ARHGEF3: variants seen among roughly 807,000 people sequenced by gnomAD.
The protein encoded by ARHGEF3 is Rho guanine nucleotide exchange factor 3, also known as 59.8 kDA protein.
Under a neutral mutation model 63.2 loss-of-function variants are expected in ARHGEF3, and 28 were observed. The observed-to-expected ratio is 0.44, with a 90% confidence interval of 0.33 to 0.61. The LOEUF (loss-of-function observed/expected upper bound fraction) is 0.61, where lower values mean the gene tolerates loss of function less well. Among genes scored for constraint, ARHGEF3 ranks in the 20% least tolerant of loss-of-function variants. ARHGEF3 has a pLI of 0.03. For synonymous variants in ARHGEF3, 266 were observed against 254.2 expected (o/e 1.05, Z -0.44); for missense variants, 533 against 659.3 (o/e 0.81, Z 2.10).
chr3:56,922,291 T>C (rs2042163382), intron 3 of ARHGEF3, among the ~76,000 whole-genome samples: 2 of 152,176 alleles, frequency 1.3e-5, no homozygotes, highest in African/African-American at 4.8e-5. Flanking sequence ...CAAGTCTCCT[T>C]CCTTACACTG....
intron 1 of ARHGEF3, among the ~76,000 whole-genome samples, chr3:57,075,716 G>A (rs902662512): frequency 1.3e-5 from 2 of 152,116 alleles, no homozygotes; most frequent in Non-Finnish European, 2.9e-5. Context: ...AGGCTGAGGT[G>A]GGAGGATTGC....
chr3:56,937,106 A>G (rs762363939), intron 3 of ARHGEF3, among the ~76,000 whole-genome samples: 1 of 152,256 alleles, frequency 6.6e-6, no homozygotes, highest in African/African-American at 2.4e-5. Flanking sequence ...AAGAAACATA[A>G]CAAAATGAAA....
rs534724394 is a variant in ARHGEF3, at chr3:56,779,554, G to A, written c.97-5738C>T. Among the ~76,000 whole-genome samples the A allele has an allele frequency of 3.9e-5, 6 of 152,066 alleles. No individual in the cohort carries two copies. The South Asian group carries it at 1.2e-3, about 31-fold the overall frequency. ...GTCGCGCAGGCTGGAGTGCAGTGGCGCCATCTTGGCTCACTGCAAGCTCCG... is the reference window on the plus strand; with the variant it reads ...GTCGCGCAGGCTGGAGTGCAGTGGCACCATCTTGGCTCACTGCAAGCTCCG... On this transcript the variant is annotated intron_variant, in intron 1 of 9. Coordinates refer to ENST00000296315, the MANE Select transcript of ARHGEF3 (RefSeq NM_019555.3).
At chr3:56,991,929 A>G (rs954593096) in intron 2 of ARHGEF3, among the ~76,000 whole-genome samples, 1 of 151,878 alleles carries the variant, frequency 6.6e-6, no homozygotes, top group African/African-American at 2.4e-5. Context: ...AACCAGTTTT[A>G]TATCTGAGTT....
intron 3 of ARHGEF3, among the ~76,000 whole-genome samples, chr3:56,885,733 A>G (rs138994427): frequency 8.7e-4 from 132 of 152,308 alleles, no homozygotes; most frequent in African/African-American, 3.0e-3. Context: ...TGGTCTTTTT[A>G]ATTCAGCCAT....
chr3:57,071,054 C>T (rs1310879367), intron 1 of ARHGEF3, among the ~76,000 whole-genome samples: 2 of 151,168 alleles, frequency 1.3e-5, no homozygotes, highest in African/African-American at 4.9e-5. Context: ...GATTTCAAAA[C>T]TTACTACAAA....
At chr3:56,921,363 G>C (rs1433554400) in intron 3 of ARHGEF3, among the ~76,000 whole-genome samples, 1 of 130,164 alleles carries the variant, frequency 7.7e-6, no homozygotes, top group Non-Finnish European at 1.8e-5. Flanking sequence ...TAAGACTGTT[G>C]TCAAATTTAG....
chr3:56,877,613 T>A (rs2040630719), intron 4 of ARHGEF3, among the ~76,000 whole-genome samples: 1 of 152,132 alleles, frequency 6.6e-6, no homozygotes, highest in South Asian at 2.1e-4. Flanking sequence ...GCTCAAGTGA[T>A]CCTCTCGCCT....
intron 4 of ARHGEF3, among the ~76,000 whole-genome samples, chr3:56,849,437 C>T (rs1178009164): frequency 2.0e-5 from 3 of 152,152 alleles, no homozygotes; most frequent in African/African-American, 4.8e-5. Context: ...GATCCACTTT[C>T]TTCACCTCTT....
At chr3:57,037,792 G>A (rs1463045962) in intron 1 of ARHGEF3, among the ~76,000 whole-genome samples, 1 of 152,176 alleles carries the variant, frequency 6.6e-6, no homozygotes, top group Non-Finnish European at 1.5e-5. Flanking sequence ...GGAGAATGGT[G>A]TGAACCCGGG....
At chr3:56,919,051 G>C (rs754195993) in intron 3 of ARHGEF3, among the ~76,000 whole-genome samples, 1 of 152,150 alleles carries the variant, frequency 6.6e-6, no homozygotes, top group Non-Finnish European at 1.5e-5. Context: ...CAGGGGTCAG[G>C]TACCTGAAAG....
At chr3:57,058,131 T>C (rs1359764323) in intron 1 of ARHGEF3, among the ~76,000 whole-genome samples, 1 of 152,212 alleles carries the variant, frequency 6.6e-6, no homozygotes, top group East Asian at 1.9e-4. Context: ...CTCTTTCAAT[T>C]AAAAGTCCTG....
chr3:57,017,565 G>A (rs1181290502), intron 2 of ARHGEF3, among the ~76,000 whole-genome samples: 1 of 152,178 alleles, frequency 6.6e-6, no homozygotes, highest in Admixed American at 6.5e-5. Context: ...TTGACCCTCT[G>A]CTAGTTGGGT....
At chr3:56,889,825 G>T (rs1400604587) in intron 3 of ARHGEF3, among the ~76,000 whole-genome samples, 1 of 152,348 alleles carries the variant, frequency 6.6e-6, no homozygotes, top group East Asian at 1.9e-4. Context: ...ACTTTGGGAG[G>T]CCGAGATGGG....
At chr3:57,067,470 A>AATAATT (rs1462458028) in intron 1 of ARHGEF3, among the ~76,000 whole-genome samples, 1 of 147,816 alleles carries the variant, frequency 6.8e-6, no homozygotes, top group Non-Finnish European at 1.5e-5. Context: ...TAATAATAAT[A>AATAATT]ATAATAATAA....
intron 2 of ARHGEF3, among the ~76,000 whole-genome samples, chr3:57,021,291 T>G (rs902379553): frequency 6.6e-6 from 1 of 150,958 alleles, no homozygotes; most frequent in African/African-American, 2.4e-5. Flanking sequence ...CCAACATATA[T>G]TCCTGATTGA....
chr3:56,831,730 T>G (rs1324367181), intron 4 of ARHGEF3, among the ~76,000 whole-genome samples: 3 of 152,262 alleles, frequency 2.0e-5, no homozygotes. Context: ...CACACTGGTG[T>G]GTACGTTCAG....
At chr3:57,046,934 G>T (rs1478376314) in intron 1 of ARHGEF3, among the ~76,000 whole-genome samples, 1 of 152,168 alleles carries the variant, frequency 6.6e-6, no homozygotes, top group Non-Finnish European at 1.5e-5. Flanking sequence ...AAATGCAAGA[G>T]AAATGTGATT....
chr3:56,858,129 G>A (rs768701569), intron 4 of ARHGEF3, among the ~76,000 whole-genome samples: 3 of 150,698 alleles, frequency 2.0e-5, no homozygotes, highest in Non-Finnish European at 3.0e-5. Flanking sequence ...CTGTAGTCCC[G>A]GCTACTCAGG....
Sources: allele counts gnomAD v4.1 joint callset (sites outside exome capture counted in the v4.1 genomes callset), GRCh38; gene constraint gnomAD v4.1.1; transcripts MANE v1.5; gene names NCBI Gene and HGNC (gene_info 2026-07-23, HGNC 2026-07-21).